MAF: variants seen among roughly 807,000 people sequenced by gnomAD.
MAF encodes the protein transcription factor Maf.
A neutral mutation model predicts 22.0 loss-of-function variants in MAF; 10 were observed. That is an observed-to-expected ratio of 0.45 (90% CI 0.28 to 0.77). The LOEUF is 0.77. MAF is among the 30% of genes least tolerant of loss of function. The probability of loss-of-function intolerance (pLI) is 0.12; values close to 1 mark genes in which losing one functional copy is unlikely to be tolerated. For missense variants in MAF, 544 were observed against 548.4 expected, an observed-to-expected ratio of 0.99 and a Z score of 0.08; for synonymous variants, 337 against 255.8, an observed-to-expected ratio of 1.32 and a Z score of -3.03.
the MAF span, among the ~76,000 whole-genome samples, chr16:79,421,497 T>C: frequency 1.3e-5 from 2 of 152,236 alleles, no homozygotes. Flanking sequence ...AGACTGGCTC[T>C]TGTCACTTAG....
At chr16:79,290,434 G>C in the MAF span, among the ~76,000 whole-genome samples, 1 of 152,232 alleles carries the variant, frequency 6.6e-6, no homozygotes, top group Middle Eastern at 3.4e-3. Flanking sequence ...ATACCCTTTG[G>C]GTTCAAAAAG....
At chr16:79,410,173 G>A in the MAF span, among the ~76,000 whole-genome samples, 5 of 152,276 alleles carry the variant, frequency 3.3e-5, no homozygotes, top group South Asian at 2.1e-4. Context: ...CAATCCAGCC[G>A]TTCCGTACCT....
chr16:79,502,895 T>A, the MAF span, among the ~76,000 whole-genome samples: 1 of 150,860 alleles, frequency 6.6e-6, no homozygotes, highest in African/African-American at 2.4e-5. Context: ...GATAATCCAC[T>A]CATCAAATTC....
the MAF span, among the ~76,000 whole-genome samples, chr16:79,277,068 C>T: frequency 6.6e-6 from 1 of 152,132 alleles, no homozygotes; most frequent in South Asian, 2.1e-4. Flanking sequence ...AGTCCGGTCT[C>T]ACTCTGTGCC....
the MAF span, among the ~76,000 whole-genome samples, chr16:79,487,735 T>C: frequency 6.6e-6 from 1 of 152,210 alleles, no homozygotes; most frequent in Non-Finnish European, 1.5e-5. Flanking sequence ...CTAATGCTTC[T>C]CAACTTCGGA....
chr16:79,227,445 G>A, the MAF span, among the ~76,000 whole-genome samples: 9 of 152,166 alleles, frequency 5.9e-5, no homozygotes, highest in East Asian at 1.7e-3. Context: ...TGTGACTTTG[G>A]CCAGGTCAGT....
the MAF span, among the ~76,000 whole-genome samples, chr16:79,410,426 A>C: frequency 3.3e-5 from 5 of 152,242 alleles, no homozygotes; most frequent in Non-Finnish European, 2.9e-5. Flanking sequence ...AACACACTCC[A>C]AATTTCTATG....
chr16:79,421,026 C>G, the MAF span, among the ~76,000 whole-genome samples: 1 of 148,494 alleles, frequency 6.7e-6, no homozygotes, highest in Non-Finnish European at 1.5e-5. Flanking sequence ...GAGCGAGACT[C>G]TGTCTCAAAA....
chr16:79,358,244 G>T, the MAF span, among the ~76,000 whole-genome samples: 4 of 152,130 alleles, frequency 2.6e-5, no homozygotes, highest in Non-Finnish European at 5.9e-5. Context: ...CACTGGCTTC[G>T]GCTCTGGGGC....
At chr16:79,581,138 A>T (rs1304829996), downstream of MAF, among the ~76,000 whole-genome samples, 1 of 152,176 alleles carries the variant, frequency 6.6e-6, no homozygotes, top group Non-Finnish European at 1.5e-5. Flanking sequence ...TTTTTAAAAG[A>T]ATTCTAATCA....
At chr16:79,443,129 C>A in the MAF span, among the ~76,000 whole-genome samples, 21 of 152,214 alleles carry the variant, frequency 1.4e-4, no homozygotes, top group African/African-American at 4.6e-4. Context: ...TAATGCCAGG[C>A]AGTCAGGGCT....
chr16:79,236,624 G>A, the MAF span, among the ~76,000 whole-genome samples: 2 of 151,982 alleles, frequency 1.3e-5, no homozygotes, highest in Non-Finnish European at 1.5e-5. Flanking sequence ...AAGAAATTAG[G>A]GAATACTCTT....
chr16:79,460,465 C>A, the MAF span, among the ~76,000 whole-genome samples: 1 of 152,188 alleles, frequency 6.6e-6, no homozygotes, highest in Non-Finnish European at 1.5e-5. Flanking sequence ...ACTTGGAACT[C>A]TATTACTCTA....
the MAF span, among the ~76,000 whole-genome samples, chr16:79,376,106 G>C: frequency 5.9e-5 from 7 of 119,358 alleles, no homozygotes; most frequent in Middle Eastern, 8.3e-3. Context: ...AGTATTGTTG[G>C]AGAGAAAAAA....
the MAF span, among the ~76,000 whole-genome samples, chr16:79,515,360 C>G: frequency 6.6e-6 from 1 of 152,198 alleles, no homozygotes; most frequent in African/African-American, 2.4e-5. Context: ...AAGTGACACA[C>G]ATTCAGTAGA....
the MAF span, among the ~76,000 whole-genome samples, chr16:79,388,427 G>C: frequency 6.6e-6 from 1 of 152,142 alleles, no homozygotes; most frequent in African/African-American, 2.4e-5. Flanking sequence ...TAGAGCAAAT[G>C]TCCCTGCCAC....
chr16:79,431,882 T>C, the MAF span, among the ~76,000 whole-genome samples: 1 of 152,250 alleles, frequency 6.6e-6, no homozygotes. Flanking sequence ...GTGTTACAGG[T>C]TGAATTGCCA....
At chr16:79,370,129 G>A in the MAF span, among the ~76,000 whole-genome samples, 1 of 152,176 alleles carries the variant, frequency 6.6e-6, no homozygotes, top group Non-Finnish European at 1.5e-5. Flanking sequence ...TCCTTCCCCA[G>A]GAGGCTAATT....
chr16:79,470,087 T>G, the MAF span, among the ~76,000 whole-genome samples: 1 of 152,240 alleles, frequency 6.6e-6, no homozygotes, highest in East Asian at 1.9e-4. Context: ...GTCAGGCATT[T>G]GTAAAGAAAG....
Sources: gnomAD v4.1 joint callset for allele counts (sites outside exome capture counted in the v4.1 genomes callset) on GRCh38, gnomAD v4.1.1 for gene constraint, MANE v1.5 for transcripts, NCBI Gene and HGNC (gene_info 2026-07-23, HGNC 2026-07-21) for gene names.